SPRED2: variants seen among roughly 807,000 people sequenced by gnomAD.
The protein encoded by SPRED2 is sprouty-related, EVH1 domain-containing protein 2.
SPRED2 carries 47 observed loss-of-function variants against 43.0 expected under a neutral mutation model. That is an observed-to-expected ratio of 1.09 (90% CI 0.87 to 1.40). The LOEUF (loss-of-function observed/expected upper bound fraction) is 1.40, where lower values mean the gene tolerates loss of function less well. Among genes scored for constraint, SPRED2 ranks in the 40% most tolerant of loss-of-function variants. The probability of loss-of-function intolerance (pLI) is 0.00; values close to 1 mark genes in which losing one functional copy is unlikely to be tolerated. For missense variants in SPRED2, 561 were observed against 586.4 expected, an observed-to-expected ratio of 0.96 and a Z score of 0.45; for synonymous variants, 225 against 225.7, an observed-to-expected ratio of 1.00 and a Z score of 0.03.
At chr2:65,369,655 AGAGCAG>A (rs754554500) in intron 1 of SPRED2, among the ~76,000 whole-genome samples, 146,799 of 151,644 alleles carry the variant, frequency 0.97, 71,093 homozygotes, top group East Asian at 1. Context: ...CCCTGACCAC[AGAGCAG>A]CTTCAGGTCT....
At chr2:65,345,888 T>A (rs192173641) in intron 1 of SPRED2, among the ~76,000 whole-genome samples, 389 of 152,370 alleles carry the variant, frequency 2.6e-3, no homozygotes, top group Admixed American at 5.8e-3. Flanking sequence ...TCATTCTTCA[T>A]CACTTTTGGG....
intron 1 of SPRED2, chr2:65,377,800 G>A (rs1675280175): frequency 4.5e-6 from 2 of 443,330 alleles, no homozygotes; most frequent in South Asian, 1.6e-5. Flanking sequence ...AGAGACCAAA[G>A]AGGAGCCCGG....
chr2:65,394,980 G>T (rs1675721567), intron 1 of SPRED2, among the ~76,000 whole-genome samples: 1 of 152,174 alleles, frequency 6.6e-6, no homozygotes, highest in Admixed American at 6.5e-5. Context: ...GTGGGTTGGG[G>T]TTGATTCTAG....
intron 1 of SPRED2, among the ~76,000 whole-genome samples, chr2:65,347,518 T>C (rs759128443): frequency 1.3e-5 from 2 of 151,922 alleles, no homozygotes; most frequent in Non-Finnish European, 2.9e-5. Context: ...ACTGAGAAAA[T>C]AGACAAAATC....
At chr2:65,430,558 C>A (rs764339533) in intron 1 of SPRED2, among the ~76,000 whole-genome samples, 5 of 152,224 alleles carry the variant, frequency 3.3e-5, no homozygotes, top group East Asian at 1.9e-4. Context: ...GCCTCCCAGT[C>A]GCCCAGCCCT....
chr2:65,394,878 C>T (rs10186634), intron 1 of SPRED2, among the ~76,000 whole-genome samples: 8,529 of 152,260 alleles, frequency 0.056, 871 homozygotes, highest in African/African-American at 0.2. Flanking sequence ...TGCATTTTCA[C>T]ATTATGCTAC....
At position 65,337,032 on chromosome 2, in the gene SPRED2, C is replaced by G. The variant is rs566272412; in HGVS notation, c.205-2259G>C. ...CTGAGGCAGGAGAATAGCGTGAACC[C>G]GGGAGGCGGAGCTTGCAGTGGGCCG... On this transcript the variant is annotated intron_variant, in intron 2 of 5. Coordinates refer to ENST00000356388, the MANE Select transcript of SPRED2 (RefSeq NM_181784.3). Among the ~76,000 whole-genome samples the G allele has an allele frequency of 5.9e-5, 9 of 152,082 alleles. No homozygotes were observed. The East Asian group carries it at 1.7e-3, about 29-fold the overall frequency.
chr2:65,313,627 C>T lies in SPRED2; in HGVS notation c.1131G>A (p.Arg377=), dbSNP rs1673136355. The change falls in exon 6 of 6, where the codon CGG becomes CGA. Residue 377 remains arginine, a synonymous_variant. Coordinates refer to ENST00000356388, the MANE Select transcript of SPRED2 (RefSeq NM_181784.3). ...CDTSDEKFCL[R]WMALIALSFL... ...AAGACAAGGCAATAAGAGCCATCCA[C>T]CGGAGGCAAAACTTCTCGTCGCTAG... The T allele has an allele frequency of 6.2e-7, 1 of 1,614,092 alleles. No homozygotes were observed. Among genetic ancestry groups the T allele is most frequent in the Admixed American group, 1.7e-5 (1 of 59,998 alleles).
intron 1 of SPRED2, among the ~76,000 whole-genome samples, chr2:65,375,093 AG>A (rs879463303): frequency 2.0e-5 from 3 of 152,240 alleles, no homozygotes; most frequent in Non-Finnish European, 4.4e-5. Flanking sequence ...TAGAGAGTAG[AG>A]GCCCTTCCTC....
At chr2:65,322,294 A>ATATGTTTTT (rs1350932295) in intron 4 of SPRED2, among the ~76,000 whole-genome samples, 1 of 64,930 alleles carries the variant, frequency 1.5e-5, no homozygotes, top group African/African-American at 7.1e-5. Flanking sequence ...ATATATATAT[A>ATATGTTTTT]TTTTTTTTTT....
intron 1 of SPRED2, among the ~76,000 whole-genome samples, chr2:65,349,328 A>AAAAG (rs1674442598): frequency 6.6e-6 from 1 of 151,664 alleles, no homozygotes; most frequent in Non-Finnish European, 1.5e-5. Context: ...AAAAAAAAAA[A>AAAAG]AAGAATCTTC....
chr2:65,334,894 T>G, intron 2 of SPRED2, 121 bp from the exon 3 acceptor site: 27 of 957,908 alleles, frequency 2.8e-5, no homozygotes, highest in Non-Finnish European at 4.3e-5. Context: ...AACCCCTGCC[T>G]TCACATATCT....
intron 2 of SPRED2, among the ~76,000 whole-genome samples, chr2:65,343,985 A>G (rs1674262392): frequency 6.6e-6 from 1 of 152,058 alleles, no homozygotes; most frequent in South Asian, 2.1e-4. Flanking sequence ...TGTCTCTACT[A>G]AAGATACAAA....
At chr2:65,428,901 G>A (rs989100450) in intron 1 of SPRED2, among the ~76,000 whole-genome samples, 2 of 152,154 alleles carry the variant, frequency 1.3e-5, no homozygotes, top group Non-Finnish European at 1.5e-5. Context: ...TATGCACAGA[G>A]GACGACTTAC....
chr2:65,326,484 T>A (rs141183882), intron 4 of SPRED2, among the ~76,000 whole-genome samples: 3 of 152,288 alleles, frequency 2.0e-5, no homozygotes, highest in Non-Finnish European at 4.4e-5. Context: ...AGACAGCAGA[T>A]CAGGAAGTAG....
intron 1 of SPRED2, among the ~76,000 whole-genome samples, chr2:65,355,284 C>T (rs1227630266): frequency 3.3e-5 from 5 of 152,052 alleles, no homozygotes; most frequent in East Asian, 1.9e-4. Flanking sequence ...GAAGGCTCTA[C>T]AATTAATTTA....
chr2:65,401,936 C>CGCGT (rs1675906157), intron 1 of SPRED2, among the ~76,000 whole-genome samples: 1 of 101,038 alleles, frequency 9.9e-6, no homozygotes, highest in Non-Finnish European at 2.0e-5. Flanking sequence ...AGCGCGCGCG[C>CGCGT]GCACACACAC....
intron 1 of SPRED2, among the ~76,000 whole-genome samples, chr2:65,407,977 T>C (rs1676065152): frequency 6.6e-6 from 1 of 152,262 alleles, no homozygotes; most frequent in Non-Finnish European, 1.5e-5. Context: ...TATGACATGG[T>C]CCCTGTGTAG....
chr2:65,383,798 A>G (rs974676870), intron 1 of SPRED2, among the ~76,000 whole-genome samples: 3 of 152,350 alleles, frequency 2.0e-5, no homozygotes, highest in South Asian at 4.1e-4. Context: ...TTAATAACCC[A>G]TGGAACTGGA....
Sources: gnomAD v4.1 joint callset for allele counts (sites outside exome capture counted in the v4.1 genomes callset) on GRCh38, gnomAD v4.1.1 for gene constraint, MANE v1.5 for transcripts, NCBI Gene and HGNC (gene_info 2026-07-23, HGNC 2026-07-21) for gene names.